KCNH4: variants seen among roughly 807,000 people sequenced by gnomAD.
The protein encoded by KCNH4 is voltage-gated delayed rectifier potassium channel KCNH4.
KCNH4 carries 33 observed loss-of-function variants against 90.7 expected under a neutral mutation model. That is an observed-to-expected ratio of 0.36 (90% confidence interval 0.28 to 0.49). The LOEUF (loss-of-function observed/expected upper bound fraction) is 0.49, where lower values mean the gene tolerates loss of function less well. KCNH4 is among the 20% of genes least tolerant of loss of function. The pLI is 0.98. For missense variants in KCNH4, 1,044 were observed against 1,387.1 expected, an observed-to-expected ratio of 0.75 and a Z score of 3.93; for synonymous variants, 551 against 581.7, an observed-to-expected ratio of 0.95 and a Z score of 0.76.
Position 42,160,095 on chromosome 17 carries a change from G to A in KCNH4, c.2999C>T (p.Pro1000Leu). 6.4e-7 allele frequency: 1 copy of A among 1,572,992 alleles called. No homozygotes were observed. Among genetic ancestry groups the A allele is most frequent in the East Asian group, 2.2e-5 (1 of 44,498 alleles). ...GPSPVPEASPPTPSLLRHSFQ... is the reference protein window; with the variant it reads ...GPSPVPEASPLTPSLLRHSFQ... The stretch of plus-strand genomic sequence containing the variant: ...ACTGTGCCTCAAGAGGCTTGGGGTT[G>A]GGGGTGAGGCCTCTGGCACTGGAGA... Residue 1000 changes from proline (P) to leucine (L), a missense_variant, in exon 16 of 17, where the codon CCA (proline) becomes CTA (leucine). Pro to Leu is a moderately conservative substitution (Grantham distance 98). Around this residue, in one of 4 missense-constraint regions of KCNH4, gnomAD observed 441 missense variants for 512.3 expected, o/e 0.86. Transcript: ENST00000264661.
intron 9 of KCNH4, among the ~76,000 whole-genome samples, chr17:42,168,327 T>C (rs773212718): frequency 6.6e-6 from 1 of 152,152 alleles, no homozygotes; most frequent in Non-Finnish European, 1.5e-5. Flanking sequence ...CCTGAGCTCT[T>C]TCATTCCCTT....
rs138796695 is a variant in KCNH4 at position 42,176,165 on chromosome 17, C to T, written c.718G>A (p.Val240Ile). The change falls in exon 5 of 17, where the codon GTT (valine) becomes ATT (isoleucine). Residue 240 changes from valine to isoleucine, a missense_variant. Val to Ile is a conservative substitution (Grantham distance 29). This residue lies in a region of KCNH4 where 283 missense variants were observed against 378.6 expected (regional missense o/e 0.75). Transcript: ENST00000264661. The stretch of plus-strand genomic sequence containing the variant: ...ACATTGTAGGGGACGGTGACCGCAA[C>T]GTAGAAGGTGGCAAGGAGGATAAGG... ...DGLILLATFY[V>I]AVTVPYNVCF... is the part of the protein sequence containing the mutation. 1.3e-4 allele frequency: 206 copies of T among 1,613,782 alleles called. No individual in the cohort carries two copies. The highest frequency in any genetic ancestry group is 3.3e-4 in the Middle Eastern group (2 of 6,062).
intron 9 of KCNH4, among the ~76,000 whole-genome samples, chr17:42,168,679 A>G (rs1303352346): frequency 1.3e-5 from 2 of 152,110 alleles, no homozygotes; most frequent in African/African-American, 4.8e-5. Context: ...AAGAATTTGT[A>G]TTTTGGGCAA....
intron 6 of KCNH4, among the ~76,000 whole-genome samples, chr17:42,173,566 C>G (rs1258898462): frequency 6.6e-6 from 1 of 152,094 alleles, no homozygotes; most frequent in East Asian, 1.9e-4. Flanking sequence ...TGTCTCTGCT[C>G]TACCTCTCTC....
chr17:42,170,877 GA>G (rs1178436825), intron 7 of KCNH4, among the ~76,000 whole-genome samples: 1 of 152,246 alleles, frequency 6.6e-6, no homozygotes, highest in Non-Finnish European at 1.5e-5. Flanking sequence ...GAAGACAAAA[GA>G]GGAGGATTCC....
At chr17:42,171,180 TG>T (rs1368509564) in intron 7 of KCNH4, among the ~76,000 whole-genome samples, 1 of 151,502 alleles carries the variant, frequency 6.6e-6, no homozygotes, top group African/African-American at 2.4e-5. Context: ...AGAAGGGGAT[TG>T]GGAAATCAGT....
intron 7 of KCNH4, 103 bp downstream of exon 7, chr17:42,171,685 T>C (rs947970137): frequency 2.0e-6 from 2 of 1,003,262 alleles, no homozygotes; most frequent in African/African-American, 1.6e-5. Context: ...GTTGGATGGA[T>C]AGAGGAATGT....
chr17:42,163,434 G>A lies in KCNH4; in HGVS notation c.2478-100C>T. On this transcript the variant is annotated intron_variant, in intron 13 of 16. Transcript: ENST00000264661. This position sits in a 1 kb window ranked among gnomAD's most constrained non-coding sequence, Gnocchi z 5.4. ...GGGGGCAGCAGTGCCAGGGGGCGGA[G>A]CAAGAGCAGCAGTCAAAGTGGGTTG... The A allele has an allele frequency of 1.1e-6, 1 of 893,160 alleles. No homozygotes were observed. The highest frequency in any genetic ancestry group is 1.8e-6 in the Non-Finnish European group (1 of 565,400). 55.3% of individuals were successfully genotyped at this position (893,160 alleles called of 1,614,324 possible).
intron 6 of KCNH4, among the ~76,000 whole-genome samples, chr17:42,173,814 C>G (rs184650611): frequency 1.4e-5 from 2 of 147,104 alleles, no homozygotes; most frequent in Non-Finnish European, 3.0e-5. Flanking sequence ...CATTCTCCTG[C>G]CTCAGCCTCC....
Position 42,163,124 on chromosome 17 carries a change from C to T in KCNH4, c.2584+104G>A, listed in dbSNP as rs2079760018. On this transcript the variant is annotated intron_variant, in intron 14 of 16. Coordinates refer to ENST00000264661, the MANE Select transcript of KCNH4 (RefSeq NM_012285.3). The surrounding 1 kb of genome is among the most constrained non-coding windows in gnomAD (Gnocchi z 5.4). ...CAGGTCTGTTTTATCTGTGTATTCCCAGGATGGCACCTGGCACATGGTAGG... is the reference window on the plus strand; with the variant it reads ...CAGGTCTGTTTTATCTGTGTATTCCTAGGATGGCACCTGGCACATGGTAGG... 1 of 806,496 alleles carries T rather than the reference C, an allele frequency of 1.2e-6. No homozygotes were observed. The allele number at this position is 806,496 out of a possible 1,614,324, so 50.0% of individuals were successfully genotyped here. A position where few individuals can be genotyped will look rare whatever the true frequency, so the allele number is the denominator to read the frequency against.
intron 8 of KCNH4, 23 bp downstream of exon 8, chr17:42,170,084 A>T (rs764350679): frequency 6.4e-7 from 1 of 1,567,400 alleles, no homozygotes; most frequent in East Asian, 2.3e-5. Context: ...GGCCCCACTG[A>T]GGCGTGGCAG....
At position 42,163,259 on chromosome 17, in the gene KCNH4, C is replaced by G. The variant is rs2079761204; in HGVS notation, c.2553G>C (p.Leu851=). 2 of 1,614,024 alleles carry G rather than the reference C, an allele frequency of 1.2e-6. No individual in the cohort carries two copies. Among genetic ancestry groups the G allele is most frequent in the East Asian group, 4.5e-5 (2 of 44,882 alleles). ...PSFRFSRRPE[L]PRPRSQAPPT... ...GGGGCGCCTGGGAGCGGGGCCTTGG[C>G]AGTTCAGGCCTCCTGCTGAATCGGA... is the stretch of plus-strand genomic sequence containing the variant. The change falls in exon 14 of 17, where the codon CTG becomes CTC. Residue 851 remains leucine (L), a synonymous_variant. Coordinates refer to ENST00000264661, the MANE Select transcript of KCNH4 (RefSeq NM_012285.3). The surrounding 1 kb of genome is among the most constrained non-coding windows in gnomAD (Gnocchi z 5.4).
At position 42,180,640 on chromosome 17, in the gene KCNH4, C is replaced by T. The variant is rs957692288; in HGVS notation, c.76+230G>A. ...CTGCCGCACAAAGAGCCTCTTCTGCCTCGAGTCACACCCCCTAACCTTGGC... is the reference window on the plus strand; with the variant it reads ...CTGCCGCACAAAGAGCCTCTTCTGCTTCGAGTCACACCCCCTAACCTTGGC... On this transcript the variant is annotated intron_variant, in intron 1 of 16. Transcript: ENST00000264661. The surrounding 1 kb of genome is among the most constrained non-coding windows in gnomAD (Gnocchi z 4.7). Among the ~76,000 whole-genome samples the T allele has an allele frequency of 6.6e-6, 1 of 152,028 alleles. No homozygotes were observed. The highest frequency in any genetic ancestry group is 1.5e-5 in the Non-Finnish European group (1 of 68,002).
chr17:42,171,693 T>G, intron 7 of KCNH4, 95 bp downstream of exon 7: 2 of 1,058,416 alleles, frequency 1.9e-6, no homozygotes, highest in South Asian at 1.3e-5. Context: ...GATAGAGGAA[T>G]GTGGGATGAG....
rs1189350320 is a variant in KCNH4, at chr17:42,160,156, G to A, written c.2938C>T (p.Pro980Ser). Residue 980 changes from proline to serine, a missense_variant, in exon 16 of 17, where the codon CCC becomes TCC. By Grantham distance (74) the Pro-to-Ser change is moderately conservative (BLOSUM62 -1). Coordinates refer to ENST00000264661, the MANE Select transcript of KCNH4 (RefSeq NM_012285.3). ...ALLDLRPSIL[P>S]PYPSEPDPLG... ...GGGTCAGGCTCTGAGGGGTAGGGGG[G>A]CAATATGGAAGGTCTCAAGTCCAGG... The A allele has an allele frequency of 6.2e-7, 1 of 1,612,666 alleles. No individual in the cohort carries two copies. The highest frequency in any genetic ancestry group is 1.3e-5 in the African/African-American group (1 of 75,034).
chr17:42,176,808 C>T (rs1464195111), intron 4 of KCNH4, among the ~76,000 whole-genome samples: 1 of 152,038 alleles, frequency 6.6e-6, no homozygotes, highest in African/African-American at 2.4e-5. Context: ...CAGGTGTGAG[C>T]CACTGTGCCC....
At chr17:42,161,944 A>ATC (rs201388235) in intron 15 of KCNH4, among the ~76,000 whole-genome samples, 110 of 147,012 alleles carry the variant, frequency 7.5e-4, no homozygotes, top group Non-Finnish European at 1.2e-3. Flanking sequence ...TAGCGTGAAT[A>ATC]TCTCTCTCTT....
Position 42,163,239 on chromosome 17 carries a change from G to T in KCNH4, c.2573C>A (p.Ala858Glu), listed in dbSNP as rs752782421. 1.2e-6 allele frequency: 2 copies of T among 1,612,878 alleles called. No homozygotes were observed. Among genetic ancestry groups the T allele is most frequent in the East Asian group, 4.5e-5 (2 of 44,888 alleles). The change falls in exon 14 of 17, where the codon GCG (alanine) becomes GAG (glutamate). Residue 858 changes from alanine to glutamate, a missense_variant. Physicochemically the swap from Ala to Glu is moderately radical, Grantham distance 107 (BLOSUM62 -1). Transcript: ENST00000264661. The surrounding 1 kb of genome is among the most constrained non-coding windows in gnomAD (Gnocchi z 5.4). ...CTGTTGGCCCTTACCTGTAGGGGGCGCCTGGGAGCGGGGCCTTGGCAGTTC... is the reference window on the plus strand; with the variant it reads ...CTGTTGGCCCTTACCTGTAGGGGGCTCCTGGGAGCGGGGCCTTGGCAGTTC... ...RPELPRPRSQ[A>E]PPTGTRPSPE...
intron 8 of KCNH4, among the ~76,000 whole-genome samples, 183 bp from the exon 9 acceptor site, chr17:42,169,859 C>G (rs2079814844): frequency 1.3e-5 from 2 of 152,204 alleles, no homozygotes; most frequent in African/African-American, 4.8e-5. Context: ...CCATGCTCCT[C>G]TCAGGCCTCC....
Sources: allele counts gnomAD v4.1 joint callset (sites outside exome capture counted in the v4.1 genomes callset), GRCh38; gene constraint gnomAD v4.1.1; regional missense constraint gnomAD v4.1.1; non-coding constraint Gnocchi (gnomAD v3.1); transcripts MANE v1.5; gene names NCBI Gene and HGNC (gene_info 2026-07-23, HGNC 2026-07-21).